Variants in DNM3 observed in about 807,000 individuals in gnomAD.
DNM3 encodes dynamin 3, also known as dynamin-3.
Under a neutral mutation model 101.6 loss-of-function variants are expected in DNM3, and 47 were observed. The observed-to-expected ratio is 0.46, with a 90% CI of 0.37 to 0.59. The LOEUF is 0.59. DNM3 is among the 20% of genes least tolerant of loss of function. DNM3 has a pLI of 0.00. For missense variants in DNM3, 849 were observed against 1,085.7 expected (o/e 0.78, Z 3.06); for synonymous variants, 385 against 387.9 (o/e 0.99, Z 0.09).
At chr1:172,347,891 C>A (rs537757767) in intron 17 of DNM3, among the ~76,000 whole-genome samples, 4 of 151,976 alleles carry the variant, frequency 2.6e-5, no homozygotes, top group Non-Finnish European at 5.9e-5. Flanking sequence ...TATAGCATCC[C>A]AAACAAGTGA....
At chr1:172,418,335 C>T in exon 21 of DNM3, 2 of 1,288,200 alleles carry the variant, frequency 1.6e-6, no homozygotes, top group South Asian at 1.2e-5. Flanking sequence ...CATTCATCTC[C>T]TTTTGTTTCC....
chr1:172,292,624 C>T (rs75278994), intron 15 of DNM3, among the ~76,000 whole-genome samples: 7 of 135,328 alleles, frequency 5.2e-5, no homozygotes, highest in East Asian at 2.4e-4. Context: ...CACACACACA[C>T]GCGCGTGCGT....
intron 17 of DNM3, among the ~76,000 whole-genome samples, chr1:172,334,621 A>T (rs759062139): frequency 6.6e-6 from 1 of 152,224 alleles, no homozygotes; most frequent in Non-Finnish European, 1.5e-5. Flanking sequence ...AAGAAGGGGA[A>T]TCTGTTCAGC....
chr1:172,256,067 T>A (rs2062385537), intron 15 of DNM3, among the ~76,000 whole-genome samples: 1 of 152,142 alleles, frequency 6.6e-6, no homozygotes, highest in African/African-American at 2.4e-5. Context: ...GGGATTAAAT[T>A]TAGTTAGGTC....
At chr1:171,922,320 T>C (rs781119984) in intron 2 of DNM3, among the ~76,000 whole-genome samples, 1 of 152,236 alleles carries the variant, frequency 6.6e-6, no homozygotes, top group Non-Finnish European at 1.5e-5. Context: ...TTTGTTTTTA[T>C]TTTCATTTTA....
intron 19 of DNM3, among the ~76,000 whole-genome samples, chr1:172,387,652 C>T (rs1356731088): frequency 1.3e-5 from 2 of 150,146 alleles, no homozygotes; most frequent in Non-Finnish European, 3.0e-5. Flanking sequence ...AGCAAGACTC[C>T]GTCTCAAAAA....
At position 172,131,201 on chromosome 1, in the gene DNM3, C is replaced by T. The variant is rs1303277604; in HGVS notation, c.1572C>T (p.Ile524=). 1 of 1,613,412 alleles carries T rather than the reference C, an allele frequency of 6.2e-7. No individual in the cohort carries two copies. The highest frequency in any genetic ancestry group is 1.3e-5 in the African/African-American group (1 of 74,990). ...TGATTCGCAAGGGGTGGCTCACCAT[C>T]AGCAACATTGGCATCATGAAAGGCG... ...NQVIRKGWLT[I]SNIGIMKGGS... Residue 524 remains isoleucine (I), a synonymous_variant, in exon 14 of 21, where the codon ATC becomes ATT. Coordinates refer to ENST00000627582, the MANE Select transcript of DNM3 (RefSeq NM_015569.5).
intron 1 of DNM3, among the ~76,000 whole-genome samples, chr1:171,904,067 G>A (rs1057169454): frequency 9.2e-5 from 14 of 151,954 alleles, no homozygotes; most frequent in African/African-American, 2.9e-4. Flanking sequence ...CAGCACTTTG[G>A]GAGGCTGTGG....
At chr1:171,966,636 A>G (rs1321890552) in intron 2 of DNM3, among the ~76,000 whole-genome samples, 4 of 152,216 alleles carry the variant, frequency 2.6e-5, no homozygotes, top group African/African-American at 9.6e-5. Flanking sequence ...GTATTACACA[A>G]TAGAGTCATA....
intron 12 of DNM3, among the ~76,000 whole-genome samples, chr1:172,089,134 G>A (rs180702919): frequency 6.6e-6 from 1 of 152,200 alleles, no homozygotes; most frequent in East Asian, 1.9e-4. Context: ...TAAAACAGAA[G>A]CACTTTGTTT....
At chr1:172,390,019 G>A (rs770271798) in intron 20 of DNM3, among the ~76,000 whole-genome samples, 2 of 152,280 alleles carry the variant, frequency 1.3e-5, no homozygotes, top group Middle Eastern at 3.4e-3. Context: ...CAGATCATAT[G>A]ACATGAGGTA....
intron 17 of DNM3, 43 bp downstream of exon 17, chr1:172,323,383 C>G (rs552515544): frequency 6.3e-7 from 1 of 1,594,180 alleles, no homozygotes; most frequent in Non-Finnish European, 8.6e-7. Context: ...CCCCCCAGCC[C>G]CTGCTCCGCT....
At chr1:171,918,997 T>G (rs1354539723) in intron 1 of DNM3, among the ~76,000 whole-genome samples, 1 of 152,180 alleles carries the variant, frequency 6.6e-6, no homozygotes, top group Non-Finnish European at 1.5e-5. Flanking sequence ...CTTCTCTGCC[T>G]TTTTTCTTGA....
At chr1:172,187,668 C>T (rs951773813) in intron 14 of DNM3, among the ~76,000 whole-genome samples, 21 of 152,028 alleles carry the variant, frequency 1.4e-4, no homozygotes, top group African/African-American at 4.3e-4. Context: ...GGTGGGGTTG[C>T]GTGGCACTTG....
intron 14 of DNM3, among the ~76,000 whole-genome samples, chr1:172,175,588 A>G (rs749282066): frequency 1.3e-5 from 2 of 151,794 alleles, no homozygotes; most frequent in Non-Finnish European, 2.9e-5. Flanking sequence ...GGTATAGATA[A>G]TAAGTACAAA....
intron 1 of DNM3, among the ~76,000 whole-genome samples, chr1:171,874,856 T>C (rs2035616207): frequency 6.6e-6 from 1 of 151,378 alleles, no homozygotes; most frequent in South Asian, 2.1e-4. Flanking sequence ...CCAGTGGCTA[T>C]TGTCATCTTT....
intron 14 of DNM3, among the ~76,000 whole-genome samples, chr1:172,225,239 A>C (rs79494471): frequency 6.8e-6 from 1 of 146,046 alleles, no homozygotes; most frequent in African/African-American, 2.6e-5. Context: ...CCCAGATTCA[A>C]GTGATTCTCC....
At chr1:171,845,186 G>T (rs2031873031) in intron 1 of DNM3, among the ~76,000 whole-genome samples, 1 of 152,206 alleles carries the variant, frequency 6.6e-6, no homozygotes, top group African/African-American at 2.4e-5. Flanking sequence ...CCTCCATGTT[G>T]AGGTTTACCA....
chr1:172,299,823 T>C (rs2064351082), intron 15 of DNM3, among the ~76,000 whole-genome samples: 1 of 152,224 alleles, frequency 6.6e-6, no homozygotes, highest in Admixed American at 6.5e-5. Flanking sequence ...TTTGCTATTA[T>C]GAAGAATGCT....
Sources: allele counts gnomAD v4.1 joint callset (sites outside exome capture counted in the v4.1 genomes callset), GRCh38; gene constraint gnomAD v4.1.1; transcripts MANE v1.5; gene names NCBI Gene and HGNC (gene_info 2026-07-23, HGNC 2026-07-21).